Variants in PRKCE observed in about 807,000 individuals in gnomAD.
The protein encoded by PRKCE is protein kinase C epsilon type.
Under a neutral mutation model 85.4 loss-of-function variants are expected in PRKCE, and 16 were observed. The ratio of observed to expected loss-of-function variants is 0.19; its 90% CI spans 0.13 to 0.28. The LOEUF is 0.28. Among genes scored for constraint, PRKCE ranks in the 10% least tolerant of loss-of-function variants. The pLI is 1.00. For missense variants in PRKCE, 573 were observed against 975.2 expected (o/e 0.59, Z 5.49); for synonymous variants, 388 against 371.5 (o/e 1.04, Z -0.51).
At chr2:45,881,354 C>T (rs1694876137) in intron 2 of PRKCE, among the ~76,000 whole-genome samples, 1 of 152,094 alleles carries the variant, frequency 6.6e-6, no homozygotes, top group African/African-American at 2.4e-5. Context: ...ACAAGTGTTG[C>T]AATCCAGGTG....
At chr2:45,658,281 A>G (rs1012235166) in intron 1 of PRKCE, among the ~76,000 whole-genome samples, 2 of 152,194 alleles carry the variant, frequency 1.3e-5, no homozygotes, top group African/African-American at 4.8e-5. Flanking sequence ...TTGTTTAACA[A>G]CTACCCAAAG....
chr2:45,887,341 A>C (rs537373417), intron 2 of PRKCE, among the ~76,000 whole-genome samples: 1 of 152,346 alleles, frequency 6.6e-6, no homozygotes, highest in African/African-American at 2.4e-5. Context: ...AAGCTAGATC[A>C]TCCTTGCTGG....
At chr2:45,972,876 G>A (rs1158162686) in intron 2 of PRKCE, among the ~76,000 whole-genome samples, 1 of 152,124 alleles carries the variant, frequency 6.6e-6, no homozygotes, top group East Asian at 1.9e-4. Flanking sequence ...ATTCTCAAAG[G>A]CATTTTTCAA....
At chr2:45,881,977 T>A (rs1558789151) in intron 2 of PRKCE, among the ~76,000 whole-genome samples, 1 of 152,194 alleles carries the variant, frequency 6.6e-6, no homozygotes, top group African/African-American at 2.4e-5. Flanking sequence ...TCCATTGGGT[T>A]TATGAGCTTT....
intron 2 of PRKCE, among the ~76,000 whole-genome samples, chr2:45,921,298 C>T (rs111234603): frequency 2.6e-5 from 4 of 152,204 alleles, no homozygotes; most frequent in African/African-American, 9.6e-5. Flanking sequence ...ATTCCTATAG[C>T]CTTTGAGGGA....
intron 1 of PRKCE, among the ~76,000 whole-genome samples, chr2:45,722,976 C>T (rs1376325071): frequency 1.3e-5 from 2 of 152,118 alleles, no homozygotes; most frequent in Admixed American, 6.5e-5. Flanking sequence ...TGGAGGGGCA[C>T]CTTAATCCCA....
chr2:45,689,281 G>C (rs1206710716), intron 1 of PRKCE, among the ~76,000 whole-genome samples: 1 of 152,062 alleles, frequency 6.6e-6, no homozygotes, highest in Non-Finnish European at 1.5e-5. Context: ...ATTTAACTGG[G>C]GAACAGATTT....
intron 2 of PRKCE, among the ~76,000 whole-genome samples, chr2:45,863,721 C>T (rs1263199016): frequency 2.0e-5 from 3 of 151,962 alleles, no homozygotes; most frequent in African/African-American, 4.8e-5. Context: ...CTTCCTGGCT[C>T]GGAATACGGC....
chr2:46,038,072 T>C (rs1707983762), intron 10 of PRKCE, among the ~76,000 whole-genome samples: 1 of 152,226 alleles, frequency 6.6e-6, no homozygotes, highest in Non-Finnish European at 1.5e-5. Context: ...CTGTCTTGCA[T>C]CTGCTGAGGA....
chr2:45,659,924 A>G (rs1675560607), intron 1 of PRKCE, among the ~76,000 whole-genome samples: 1 of 151,986 alleles, frequency 6.6e-6, no homozygotes, highest in Non-Finnish European at 1.5e-5. Context: ...TTCTAATACC[A>G]GAACACCAGA....
In PRKCE at chr2:45,978,354, C is replaced by G. The variant is rs1048651129; in HGVS notation, c.573-622C>G. 2.0e-5 allele frequency: 3 copies of G among 152,368 alleles called. 1 individual carries two copies. Among genetic ancestry groups the G allele is most frequent in the Admixed American group, 1.3e-4 (2 of 15,288 alleles). The allele number at this position is 152,368 out of a possible 1,614,324, so 9.4% of individuals were successfully genotyped here. On this transcript the variant is annotated intron_variant, in intron 3 of 14. Transcript: ENST00000306156. ...CCATCTGTAGTTAGTACACTAAGGA[C>G]AGGGGTAAGGCCGGGTTTGTGTGAT...
chr2:45,788,189 C>T (rs1558671494), intron 1 of PRKCE, among the ~76,000 whole-genome samples: 1 of 152,172 alleles, frequency 6.6e-6, no homozygotes, highest in Non-Finnish European at 1.5e-5. Context: ...TGGGTGACTG[C>T]AATTTCCAAA....
chr2:45,731,932 AC>A (rs921637607), intron 1 of PRKCE, among the ~76,000 whole-genome samples: 3 of 152,150 alleles, frequency 2.0e-5, no homozygotes, highest in Non-Finnish European at 2.9e-5. Context: ...ACTGCTACAG[AC>A]TGCCATGTGA....
chr2:45,863,111 T>C (rs1693301908), intron 2 of PRKCE, among the ~76,000 whole-genome samples: 1 of 152,094 alleles, frequency 6.6e-6, no homozygotes, highest in Non-Finnish European at 1.5e-5. Context: ...GTCCTGTTAG[T>C]GTGTGCTTGC....
chr2:45,787,420 A>G lies in PRKCE; in HGVS notation c.349-55580A>G, dbSNP rs902017472. On this transcript the variant is annotated intron_variant, in intron 1 of 14. Transcript: ENST00000306156. The stretch of plus-strand genomic sequence containing the variant: ...AATAGCAGCTGAGAGGCCCCTGACC[A>G]GTCATCACCTCTGGGCAATGCTGGC... Among the ~76,000 whole-genome samples the G allele has an allele frequency of 2.0e-5, 3 of 152,204 alleles. No homozygotes were observed. In the East Asian group the frequency reaches 5.8e-4, roughly 29 times the overall value.
intron 2 of PRKCE, among the ~76,000 whole-genome samples, chr2:45,849,830 G>A (rs1429380530): frequency 6.6e-6 from 1 of 152,194 alleles, no homozygotes. Context: ...CTCAGACCCA[G>A]GGAGCAAGCC....
intron 14 of PRKCE, among the ~76,000 whole-genome samples, chr2:46,182,022 A>G (rs115134342): frequency 0.018 from 2,719 of 152,202 alleles, 36 homozygotes; most frequent in Non-Finnish European, 0.029. Context: ...CAAATGGAAT[A>G]TTCTTCTTGC....
intron 7 of PRKCE, among the ~76,000 whole-genome samples, chr2:46,003,079 T>G (rs991053949): frequency 6.6e-6 from 1 of 152,208 alleles, no homozygotes; most frequent in Admixed American, 6.5e-5. Flanking sequence ...GCTGAGGGAC[T>G]GTAGTCCTGA....
intron 3 of PRKCE, among the ~76,000 whole-genome samples, chr2:45,977,177 G>T (rs1042344210): frequency 1.3e-5 from 2 of 152,124 alleles, no homozygotes; most frequent in African/African-American, 4.8e-5. Flanking sequence ...GATTATAGAT[G>T]TGAGCCATTG....
Sources: gnomAD v4.1 joint callset for allele counts (sites outside exome capture counted in the v4.1 genomes callset) on GRCh38, gnomAD v4.1.1 for gene constraint, MANE v1.5 for transcripts, NCBI Gene and HGNC (gene_info 2026-07-23, HGNC 2026-07-21) for gene names.